Variants in DLEU7 observed in about 807,000 individuals in gnomAD.
DLEU7 encodes leukemia-associated protein 7.
Under a neutral mutation model 16.0 loss-of-function variants are expected in DLEU7, and 17 were observed. That is an observed-to-expected ratio of 1.06 (90% CI 0.73 to 1.59). The LOEUF (loss-of-function observed/expected upper bound fraction) is 1.59. DLEU7 is among the 40% of genes most tolerant of loss of function. DLEU7 has a pLI of 0.00. For synonymous variants in DLEU7, 113 were observed against 139.8 expected (o/e 0.81, Z 1.35); for missense variants, 308 against 314.9 (o/e 0.98, Z 0.17).
intron 1 of DLEU7, among the ~76,000 whole-genome samples, chr13:50,729,394 G>T (rs1873856085): frequency 6.6e-6 from 1 of 152,148 alleles, no homozygotes; most frequent in Admixed American, 6.5e-5. Flanking sequence ...AGTATTCCAT[G>T]ATATATATGT....
intron 1 of DLEU7, among the ~76,000 whole-genome samples, chr13:50,739,580 C>T (rs981425646): frequency 2.0e-5 from 3 of 152,150 alleles, no homozygotes; most frequent in East Asian, 1.9e-4. Flanking sequence ...GATTTTTTAA[C>T]TCTCAAGAGG....
chr13:50,843,250 T>C lies in DLEU7; in HGVS notation c.397A>G (p.Ser133Gly), dbSNP rs1260449533. The C allele has an allele frequency of 1.9e-6, 3 of 1,594,546 alleles. No individual in the cohort carries two copies. The Admixed American group carries it at 5.1e-5, about 27-fold the overall frequency. ...GGCCCCAGCAGCGTCTGCTCCACGCTGACCAGCTCCGAAGTCGAGTCCACC... is the reference window on the plus strand; with the variant it reads ...GGCCCCAGCAGCGTCTGCTCCACGCCGACCAGCTCCGAAGTCGAGTCCACC... ...RVVDSTSELV[S>G]VEQTLLGPLQ... is the part of the protein sequence containing the mutation. The change falls in exon 1 of 2, where the codon AGC becomes GGC. Residue 133 changes from serine (S) to glycine (G), a missense_variant. Coordinates refer to ENST00000504404, the MANE Select transcript of DLEU7 (RefSeq NM_001306135.2). This position sits in a 1 kb window ranked among gnomAD's most constrained non-coding sequence, Gnocchi z 5.7.
At chr13:50,820,053 A>G (rs746283437), downstream of DLEU7, among the ~76,000 whole-genome samples, 4 of 152,124 alleles carry the variant, frequency 2.6e-5, no homozygotes, top group Non-Finnish European at 5.9e-5. Flanking sequence ...AACAAATAAG[A>G]AAGTGACTCA....
intron 1 of DLEU7, among the ~76,000 whole-genome samples, chr13:50,766,511 T>C (rs74470940): frequency 0.03 from 4,589 of 152,174 alleles, 123 homozygotes; most frequent in South Asian, 0.14. Flanking sequence ...CTTCCTCTTC[T>C]TTCTCCTTCC....
intron 1 of DLEU7, among the ~76,000 whole-genome samples, chr13:50,804,849 T>C (rs1876345731): frequency 6.6e-6 from 1 of 150,888 alleles, no homozygotes; most frequent in African/African-American, 2.5e-5. Flanking sequence ...TTATGCCTTT[T>C]TTATTTTAAT....
chr13:50,741,801 TTAAG>T (rs1425061497), intron 1 of DLEU7, among the ~76,000 whole-genome samples: 5 of 152,204 alleles, frequency 3.3e-5, no homozygotes, highest in Non-Finnish European at 5.9e-5. Context: ...TAAATATGAA[TTAAG>T]TAAGAATCCA....
At chr13:50,803,021 G>C (rs569403200) in intron 1 of DLEU7, among the ~76,000 whole-genome samples, 3 of 152,032 alleles carry the variant, frequency 2.0e-5, no homozygotes, top group African/African-American at 7.2e-5. Context: ...TATTGATAAC[G>C]TTTAGGCAGT....
At chr13:50,755,763 GC>G (rs1330058812) in intron 1 of DLEU7, among the ~76,000 whole-genome samples, 3 of 149,428 alleles carry the variant, frequency 2.0e-5, no homozygotes, top group Non-Finnish European at 4.5e-5. Context: ...GAGGGGGGGG[GC>G]ACGGTATTAA....
intron 1 of DLEU7, among the ~76,000 whole-genome samples, chr13:50,755,735 C>T (rs989412591): frequency 1.3e-4 from 19 of 142,468 alleles, no homozygotes; most frequent in African/African-American, 4.9e-4. Context: ...TGCTGGTGAG[C>T]TAATGTGATT....
intron 1 of DLEU7, among the ~76,000 whole-genome samples, chr13:50,775,915 A>G (rs1875481180): frequency 1.3e-5 from 2 of 152,192 alleles, no homozygotes; most frequent in African/African-American, 4.8e-5. Context: ...CTTTCCATGC[A>G]TTAAATCTTC....
intron 1 of DLEU7, among the ~76,000 whole-genome samples, chr13:50,736,985 A>G (rs1321629251): frequency 1.3e-5 from 2 of 152,182 alleles, no homozygotes; most frequent in African/African-American, 4.8e-5. Flanking sequence ...GAATAGCGCA[A>G]TATCATGTTT....
intron 1 of DLEU7, among the ~76,000 whole-genome samples, chr13:50,769,945 G>A (rs898575152): frequency 5.3e-5 from 8 of 152,066 alleles, no homozygotes; most frequent in Non-Finnish European, 8.8e-5. Context: ...ATTTGTTTGT[G>A]TCCTCTTTTA....
chr13:50,835,491 C>T (rs749494708), intron 1 of DLEU7, among the ~76,000 whole-genome samples: 7 of 152,156 alleles, frequency 4.6e-5, no homozygotes, highest in Non-Finnish European at 7.4e-5. Flanking sequence ...ATGAGTGGTA[C>T]GAAGCTCAAA....
intron 1 of DLEU7, among the ~76,000 whole-genome samples, chr13:50,813,736 TAGTG>T (rs1876640053): frequency 6.6e-6 from 1 of 152,088 alleles, no homozygotes; most frequent in South Asian, 2.1e-4. Flanking sequence ...ATTTTTAAAT[TAGTG>T]AGGGATTACC....
At chr13:50,739,602 A>C (rs1282021175) in intron 1 of DLEU7, among the ~76,000 whole-genome samples, 2 of 152,190 alleles carry the variant, frequency 1.3e-5, no homozygotes, top group Non-Finnish European at 2.9e-5. Context: ...TTTTGTGCTT[A>C]TCCTGGAGGG....
chr13:50,741,230 G>T (rs973956359), intron 1 of DLEU7, among the ~76,000 whole-genome samples: 1 of 152,148 alleles, frequency 6.6e-6, no homozygotes, highest in African/African-American at 2.4e-5. Flanking sequence ...AGGGGAGAAG[G>T]GCCTTCTCAG....
chr13:50,782,885 T>G (rs1190594551), intron 1 of DLEU7, among the ~76,000 whole-genome samples: 1 of 152,174 alleles, frequency 6.6e-6, no homozygotes, highest in Non-Finnish European at 1.5e-5. Flanking sequence ...TGTTGGTGCC[T>G]GGGTCCACCT....
intron 1 of DLEU7, among the ~76,000 whole-genome samples, chr13:50,781,330 A>G (rs1200519743): frequency 6.6e-6 from 1 of 152,240 alleles, no homozygotes; most frequent in Admixed American, 6.5e-5. Context: ...TTGACCAGCC[A>G]TCAGAGAAAT....
chr13:50,715,874 A>C (rs1402444303), intron 1 of DLEU7, among the ~76,000 whole-genome samples: 2 of 152,218 alleles, frequency 1.3e-5, no homozygotes, highest in East Asian at 1.9e-4. Flanking sequence ...GAGCCAAAGA[A>C]GAGTAGCAGA....
Sources: gnomAD v4.1 joint callset for allele counts (sites outside exome capture counted in the v4.1 genomes callset) on GRCh38, gnomAD v4.1.1 for gene constraint, Gnocchi (gnomAD v3.1) non-coding constraint, MANE v1.5 for transcripts, NCBI Gene and HGNC (gene_info 2026-07-23, HGNC 2026-07-21) for gene names.